Variants in WARS2 observed in about 807,000 individuals in gnomAD.
WARS2 encodes the protein tryptophanyl tRNA synthetase 2, mitochondrial.
In WARS2, 28 loss-of-function variants were observed where a neutral mutation model predicts 36.5. The ratio of observed to expected loss-of-function variants is 0.77; its 90% CI spans 0.57 to 1.05. The LOEUF (loss-of-function observed/expected upper bound fraction) is 1.05. Among genes scored for constraint, WARS2 ranks in the 50% least tolerant of loss-of-function variants. WARS2 has a pLI of 0.00. For missense variants in WARS2, 435 were observed against 456.8 expected (o/e 0.95, Z 0.44); for synonymous variants, 174 against 178.4 (o/e 0.98, Z 0.20).
chr1:119,114,712 C>T (rs1196841085), intron 1 of WARS2, among the ~76,000 whole-genome samples: 2 of 152,138 alleles, frequency 1.3e-5, no homozygotes, highest in Non-Finnish European at 1.5e-5. Context: ...ACTCTTCTTG[C>T]CATCCCATCC....
intron 2 of WARS2, among the ~76,000 whole-genome samples, chr1:119,056,000 T>C (rs1557946593): frequency 6.7e-6 from 1 of 149,878 alleles, no homozygotes; most frequent in Non-Finnish European, 1.5e-5. Context: ...GATGAAAATT[T>C]CATACCATAA....
intron 1 of WARS2, among the ~76,000 whole-genome samples, chr1:119,132,038 T>C (rs1390582133): frequency 6.6e-6 from 1 of 152,134 alleles, no homozygotes; most frequent in African/African-American, 2.4e-5. Flanking sequence ...TACCAGGTGC[T>C]GTGCAGTGGC....
intron 1 of WARS2, among the ~76,000 whole-genome samples, chr1:119,079,737 T>C (rs112875556): frequency 5.3e-5 from 8 of 152,268 alleles, no homozygotes; most frequent in South Asian, 2.1e-4. Context: ...AGCCCTAAAA[T>C]AGAATGCTAC....
At chr1:119,129,884 G>A (rs1259481192) in intron 1 of WARS2, among the ~76,000 whole-genome samples, 3 of 152,102 alleles carry the variant, frequency 2.0e-5, no homozygotes, top group African/African-American at 4.8e-5. Flanking sequence ...CACTTTAAAA[G>A]AAGAAAATAT....
intron 1 of WARS2, among the ~76,000 whole-genome samples, chr1:119,135,755 G>GATAGATAGAGAGAT (rs1557763939): frequency 7.8e-6 from 1 of 128,238 alleles, no homozygotes. Context: ...GATAGATAGA[G>GATAGATAGAGAGAT]AGATAGAGAG....
rs1647489249 is a variant in WARS2, at chr1:119,032,302, T to C, written c.*609A>G. ...AAAATAATGCAACCTCCTTAGAAGA[T>C]CATATCCCATATCTCTGAATTAAAA... On this transcript the variant is annotated 3_prime_UTR_variant, in exon 6 of 6. Coordinates refer to ENST00000235521, the MANE Select transcript of WARS2 (RefSeq NM_015836.4). 1 of 152,352 alleles carries C rather than the reference T, an allele frequency of 6.6e-6. No individual in the cohort carries two copies. The highest frequency in any genetic ancestry group is 2.1e-4 in the South Asian group (1 of 4,838). 9.4% of individuals were successfully genotyped at this position (152,352 alleles called of 1,614,324 possible). A position where few individuals can be genotyped will look rare whatever the true frequency, so the allele number is the denominator to read the frequency against.
At chr1:119,124,288 T>C (rs1655509988) in intron 1 of WARS2, among the ~76,000 whole-genome samples, 2 of 152,132 alleles carry the variant, frequency 1.3e-5, no homozygotes, top group Admixed American at 1.3e-4. Flanking sequence ...AGCTCAGGAT[T>C]TCGAGACCAG....
rs757435337 is a variant in WARS2, at chr1:119,042,331, T to C, written c.448A>G (p.Lys150Glu). Residue 150 changes from lysine (K) to glutamate (E), a missense_variant, in exon 4 of 6, where the codon AAG (lysine) becomes GAG (glutamate). Transcript: ENST00000235521. ...AGCAGGCCCACCGTGCCATCGTGCTTCTGCTTGGTAGTCTTTGCCTGTGAG... is the reference window on the plus strand; with the variant it reads ...AGCAGGCCCACCGTGCCATCGTGCTCCTGCTTGGTAGTCTTTGCCTGTGAG... ...HQWKAKTTKQ[K>E]HDGTVGLLTY... 3 of 1,613,834 alleles carry C rather than the reference T, an allele frequency of 1.9e-6. No individual in the cohort carries two copies. The South Asian group carries it at 3.3e-5, about 18-fold the overall frequency.
intron 2 of WARS2, among the ~76,000 whole-genome samples, chr1:119,046,285 GTTTTTTTTTTTTT>G (rs71070781): frequency 9.9e-6 from 1 of 101,496 alleles, no homozygotes; most frequent in Admixed American, 1.2e-4. Context: ...CTCCTTTTCT[GTTTTTTTTTTTTT>G]TTTTTTTTTT....
At chr1:119,048,821 TG>T (rs1348344923) in intron 2 of WARS2, among the ~76,000 whole-genome samples, 1 of 152,174 alleles carries the variant, frequency 6.6e-6, no homozygotes, top group African/African-American at 2.4e-5. Flanking sequence ...ATCATCACTT[TG>T]GGAGGCCGAG....
chr1:119,091,629 C>T (rs764490931), intron 1 of WARS2, among the ~76,000 whole-genome samples: 19 of 152,176 alleles, frequency 1.2e-4, no homozygotes, highest in Non-Finnish European at 2.6e-4. Flanking sequence ...GCTTGATATA[C>T]TTGTTTCATT....
chr1:119,076,328 A>C (rs1002819215), intron 2 of WARS2, 22 bp downstream of exon 2: 2 of 1,611,974 alleles, frequency 1.2e-6, no homozygotes, highest in African/African-American at 2.7e-5. Context: ...GAGTTTTCTC[A>C]GTTCTAATCT....
At chr1:119,067,624 T>G (rs1238158677) in intron 2 of WARS2, among the ~76,000 whole-genome samples, 4 of 152,160 alleles carry the variant, frequency 2.6e-5, no homozygotes, top group Admixed American at 6.5e-5. Flanking sequence ...GGTGGGAGCA[T>G]TGTATATAGT....
At chr1:119,127,986 A>T (rs1368569260) in intron 1 of WARS2, among the ~76,000 whole-genome samples, 1 of 152,108 alleles carries the variant, frequency 6.6e-6, no homozygotes, top group Non-Finnish European at 1.5e-5. Context: ...TCTCATTGTA[A>T]CTAACCTTCT....
rs982141974 is a variant in WARS2, at chr1:119,101,621, T to C, written c.91-25014A>G. 1.4e-4 allele frequency among the ~76,000 whole-genome samples: 22 copies of C among 152,332 alleles called. No homozygotes were observed. In the East Asian group the frequency reaches 2.3e-3, roughly 16 times the overall value. On this transcript the variant is annotated intron_variant, in intron 1 of 5. Transcript: ENST00000235521. The stretch of plus-strand genomic sequence containing the variant: ...CCCACATGTCCTCAAATCTGCAATC[T>C]TGGTGTTCACTTATCACATCTAACA...
At chr1:119,099,711 C>T (rs1653721566) in intron 1 of WARS2, among the ~76,000 whole-genome samples, 1 of 152,110 alleles carries the variant, frequency 6.6e-6, no homozygotes, top group South Asian at 2.1e-4. Context: ...GAAGGGACAT[C>T]CTCTTCAATA....
chr1:119,060,336 T>C (rs1401710773), intron 2 of WARS2, among the ~76,000 whole-genome samples: 3 of 152,190 alleles, frequency 2.0e-5, no homozygotes, highest in African/African-American at 7.2e-5. Flanking sequence ...CCTGGCTTAC[T>C]GATGGCTGCC....
At chr1:119,059,877 C>T (rs895184305) in intron 2 of WARS2, among the ~76,000 whole-genome samples, 3 of 151,984 alleles carry the variant, frequency 2.0e-5, no homozygotes, top group African/African-American at 7.3e-5. Context: ...TAGGTGGGGA[C>T]TAAATGATAA....
rs1224122076 is a variant in WARS2 at position 119,076,503 on chromosome 1, T to C, written c.195A>G (p.Glu65=). 1.2e-6 allele frequency: 2 copies of C among 1,614,158 alleles called. No homozygotes were observed. The highest frequency in any genetic ancestry group is 2.2e-5 in the South Asian group (2 of 91,084). Residue 65 remains glutamate, a synonymous_variant, in exon 2 of 6, where the codon GAA becomes GAG. Coordinates refer to ENST00000235521, the MANE Select transcript of WARS2 (RefSeq NM_015836.4). Reference sequence around the variant, plus strand: ...CAATGCTGTATAATACAGAGTCATATTCATCCTGTAACCTCACCCAGCTCT... The same window carrying C: ...CAATGCTGTATAATACAGAGTCATACTCATCCTGTAACCTCACCCAGCTCT... ...AIESWVRLQD[E]YDSVLYSIVD...
Sources: allele counts gnomAD v4.1 joint callset (sites outside exome capture counted in the v4.1 genomes callset), GRCh38; gene constraint gnomAD v4.1.1; transcripts MANE v1.5; gene names NCBI Gene and HGNC (gene_info 2026-07-23, HGNC 2026-07-21).